Variants in TRIM44 observed in about 807,000 individuals in gnomAD.
The protein encoded by TRIM44 is tripartite motif containing 44, also known as tripartite motif-containing protein 44.
A neutral mutation model predicts 37.4 loss-of-function variants in TRIM44; 13 were observed. That is an observed-to-expected ratio of 0.35 (90% CI 0.23 to 0.55). TRIM44 has a LOEUF of 0.55. Among genes scored for constraint, TRIM44 ranks in the 20% least tolerant of loss-of-function variants. The pLI, the probability that TRIM44 is intolerant of heterozygous loss-of-function variation, is 0.89. For missense variants in TRIM44, 426 were observed against 437.2 expected, an observed-to-expected ratio of 0.97 and a Z score of 0.23; for synonymous variants, 175 against 157.2, an observed-to-expected ratio of 1.11 and a Z score of -0.85.
intron 4 of TRIM44, among the ~76,000 whole-genome samples, chr11:35,774,527 T>A (rs1178929176): frequency 2.0e-5 from 3 of 152,320 alleles, no homozygotes; most frequent in Non-Finnish European, 4.4e-5. Flanking sequence ...GGTGTTTTAA[T>A]CATGAAGTCC....
intron 1 of TRIM44, among the ~76,000 whole-genome samples, chr11:35,670,967 G>A (rs938166325): frequency 1.6e-4 from 25 of 152,192 alleles, no homozygotes; most frequent in African/African-American, 5.8e-4. Context: ...AATGTTTCGA[G>A]TGCAATGTAC....
chr11:35,781,352 G>A (rs998980955), intron 4 of TRIM44, among the ~76,000 whole-genome samples: 2 of 152,286 alleles, frequency 1.3e-5, no homozygotes, highest in African/African-American at 4.8e-5. Flanking sequence ...TTTGGCAGCG[G>A]GGCTAGTAAT....
Position 35,663,072 on chromosome 11 carries a change from C to G in TRIM44, c.-40C>G. 6.8e-7 allele frequency: 1 copy of G among 1,479,718 alleles called. No individual in the cohort carries two copies. The highest frequency in any genetic ancestry group is 1.4e-5 in the South Asian group (1 of 70,920). 91.7% of individuals were successfully genotyped at this position (1,479,718 alleles called of 1,614,324 possible). Reference sequence around the variant, plus strand: ...GGCCGCGCGGAAGGAAGGCGGCGAGCCCCGGGGCCCCGAGGCCTTGGCCGC... The same window carrying G: ...GGCCGCGCGGAAGGAAGGCGGCGAGGCCCGGGGCCCCGAGGCCTTGGCCGC... On this transcript the variant is annotated 5_prime_UTR_variant, in exon 1 of 5. Coordinates refer to ENST00000299413, the MANE Select transcript of TRIM44 (RefSeq NM_017583.6).
intron 2 of TRIM44, among the ~76,000 whole-genome samples, chr11:35,690,876 A>G (rs1851629866): frequency 1.3e-5 from 2 of 152,228 alleles, no homozygotes; most frequent in South Asian, 4.1e-4. Context: ...TGGTGGGACC[A>G]GGGCTTAACT....
chr11:35,759,574 C>T (rs915093056), intron 4 of TRIM44, among the ~76,000 whole-genome samples: 4 of 152,326 alleles, frequency 2.6e-5, no homozygotes, highest in East Asian at 1.9e-4. Flanking sequence ...ATGAGAGGCG[C>T]TCTGATTTTT....
At chr11:35,799,860 G>C (rs1853342618) in intron 4 of TRIM44, among the ~76,000 whole-genome samples, 1 of 152,192 alleles carries the variant, frequency 6.6e-6, no homozygotes, top group South Asian at 2.1e-4. Flanking sequence ...ACCAGAACTA[G>C]AGAGAGAAGA....
At chr11:35,673,646 T>C (rs1407351564) in intron 1 of TRIM44, among the ~76,000 whole-genome samples, 1 of 152,208 alleles carries the variant, frequency 6.6e-6, no homozygotes, top group African/African-American at 2.4e-5. Context: ...CTATTCTCTC[T>C]CCTAGAAGTC....
intron 1 of TRIM44, among the ~76,000 whole-genome samples, chr11:35,675,433 AG>A (rs1412838822): frequency 6.6e-6 from 1 of 152,186 alleles, no homozygotes; most frequent in African/African-American, 2.4e-5. Flanking sequence ...CCAGAAATCT[AG>A]GCTCTTTTCA....
At chr11:35,696,676 A>G (rs1851703543) in intron 2 of TRIM44, among the ~76,000 whole-genome samples, 1 of 151,578 alleles carries the variant, frequency 6.6e-6, no homozygotes, top group East Asian at 2.0e-4. Flanking sequence ...GTGAAACCCC[A>G]TCTCTACTAA....
chr11:35,792,862 A>G lies in TRIM44; in HGVS notation c.1008-13496A>G, dbSNP rs571028877. ...TGGTTCCCTGATGGCACTTAATTCA[A>G]ATTTCATCCTTTGGTAGGGTCTAGT... is the stretch of plus-strand genomic sequence containing the variant. On this transcript the variant is annotated intron_variant, in intron 4 of 4. Coordinates refer to ENST00000299413, the MANE Select transcript of TRIM44 (RefSeq NM_017583.6). 2.0e-4 allele frequency among the ~76,000 whole-genome samples: 31 copies of G among 152,258 alleles called. No homozygotes were observed. In the South Asian group the frequency reaches 5.6e-3, roughly 28 times the overall value.
At chr11:35,740,361 G>A (rs1197854141) in intron 4 of TRIM44, among the ~76,000 whole-genome samples, 1 of 152,116 alleles carries the variant, frequency 6.6e-6, no homozygotes, top group Non-Finnish European at 1.5e-5. Context: ...TAGGAAGTCA[G>A]AGAGGGAAAA....
At chr11:35,727,863 G>T (rs183118005) in intron 3 of TRIM44, among the ~76,000 whole-genome samples, 5 of 152,292 alleles carry the variant, frequency 3.3e-5, no homozygotes, top group Admixed American at 1.3e-4. Context: ...GTTCTAGACA[G>T]CTTTGCATAC....
chr11:35,756,941 C>A (rs927267956), intron 4 of TRIM44, among the ~76,000 whole-genome samples: 11 of 152,200 alleles, frequency 7.2e-5, no homozygotes, highest in African/African-American at 2.7e-4. Context: ...CGTCGATGTT[C>A]ATCAGGGATA....
intron 1 of TRIM44, among the ~76,000 whole-genome samples, chr11:35,669,456 C>A (rs941903170): frequency 6.7e-5 from 10 of 148,286 alleles, no homozygotes; most frequent in South Asian, 2.2e-4. Flanking sequence ...AAAGGATCCC[C>A]TTTATTTATT....
intron 1 of TRIM44, 99 bp downstream of exon 1, chr11:35,663,879 C>T: frequency 7.1e-7 from 1 of 1,403,486 alleles, no homozygotes; most frequent in Non-Finnish European, 9.6e-7. Flanking sequence ...CACTGTGTCC[C>T]TAAGAAGCTA....
chr11:35,737,273 C>G (rs753161416), intron 4 of TRIM44, among the ~76,000 whole-genome samples: 1 of 152,162 alleles, frequency 6.6e-6, no homozygotes, highest in Non-Finnish European at 1.5e-5. Flanking sequence ...AAGCGCTATA[C>G]TGAAGGCAAT....
At chr11:35,726,324 CTAGTT>C (rs1852174763) in intron 3 of TRIM44, among the ~76,000 whole-genome samples, 161 bp downstream of exon 3, 17 of 152,298 alleles carry the variant, frequency 1.1e-4, no homozygotes, top group Non-Finnish European at 2.2e-4. Flanking sequence ...GTATTGGCCA[CTAGTT>C]TACTCAGTGG....
intron 2 of TRIM44, among the ~76,000 whole-genome samples, chr11:35,695,062 A>G (rs1851679850): frequency 6.6e-6 from 1 of 152,200 alleles, no homozygotes; most frequent in South Asian, 2.1e-4. Context: ...AGGTGACCAG[A>G]TGTACCTGAA....
chr11:35,697,191 T>A (rs1251350538), intron 2 of TRIM44, among the ~76,000 whole-genome samples: 1 of 146,808 alleles, frequency 6.8e-6, no homozygotes, highest in East Asian at 2.1e-4. Context: ...ATTAGGTATA[T>A]CTCCTAATGC....
Sources: gnomAD v4.1 joint callset for allele counts (sites outside exome capture counted in the v4.1 genomes callset) on GRCh38, gnomAD v4.1.1 for gene constraint, MANE v1.5 for transcripts, NCBI Gene and HGNC (gene_info 2026-07-23, HGNC 2026-07-21) for gene names.